The following ZPLD1 variants were observed in gnomAD, a reference collection of about 807,000 sequenced individuals.
ZPLD1 encodes zona pellucida like domain containing 1, also known as zona pellucida-like domain-containing protein 1.
In ZPLD1, 34 loss-of-function variants were observed where a neutral mutation model predicts 47.2. That is an observed-to-expected ratio of 0.72 (90% CI 0.55 to 0.96). The LOEUF (loss-of-function observed/expected upper bound fraction) is 0.96. ZPLD1 is among the 40% of genes least tolerant of loss of function. The probability of loss-of-function intolerance (pLI) is 0.00; values close to 1 mark genes in which losing one functional copy is unlikely to be tolerated. For synonymous variants in ZPLD1, 176 were observed against 186.2 expected (o/e 0.95, Z 0.45); for missense variants, 512 against 505.8 (o/e 1.01, Z -0.12).
At chr3:102,394,550 AG>A (rs1406221350) in intron 7 of ZPLD1, among the ~76,000 whole-genome samples, 1 of 151,584 alleles carries the variant, frequency 6.6e-6, no homozygotes, top group Non-Finnish European at 1.5e-5. Flanking sequence ...TGAAAAAAAA[AG>A]TTTCCATTGA....
Position 102,469,145 on chromosome 3 carries a change from T to A in ZPLD1, c.933+10T>A, listed in dbSNP as rs781261041. On this transcript the variant is annotated intron_variant, in intron 9 of 11. Coordinates refer to ENST00000466937, the MANE Select transcript of ZPLD1 (RefSeq NM_001329788.2). ...CCCCTTCCTTATGCCGGTATGTTTT[T>A]AAGGAACTTCATTTTAAGTTGTTGA... 5.6e-6 allele frequency: 9 copies of A among 1,600,724 alleles called. No individual in the cohort carries two copies. The highest frequency in any genetic ancestry group is 7.7e-6 in the Non-Finnish European group (9 of 1,175,348).
At chr3:102,475,469 T>TA (rs1378505347) in intron 10 of ZPLD1, among the ~76,000 whole-genome samples, 1 of 151,946 alleles carries the variant, frequency 6.6e-6, no homozygotes, top group South Asian at 2.1e-4. Context: ...GTGTGATTTC[T>TA]AAAAAAAAGA....
intron 7 of ZPLD1, among the ~76,000 whole-genome samples, chr3:102,415,250 C>G (rs1255035567): frequency 6.6e-6 from 1 of 151,784 alleles, no homozygotes; most frequent in African/African-American, 2.4e-5. Flanking sequence ...TAATTTAGCT[C>G]TGCAGTAAGA....
Position 102,435,035 on chromosome 3 carries a change from C to T in ZPLD1, c.-242C>T. 2.0e-6 allele frequency: 3 copies of T among 1,499,610 alleles called. No homozygotes were observed. Among genetic ancestry groups the T allele is most frequent in the Non-Finnish European group, 2.8e-6 (3 of 1,077,540 alleles). 92.9% of individuals were successfully genotyped at this position (1,499,610 alleles called of 1,614,324 possible). ...GAATGTAAAGGGTGTTAACATAATC[C>T]CCCAATCCCATACAATTCAATTTCA... On this transcript the variant is annotated 5_prime_UTR_variant, in exon 1 of 12. Coordinates refer to ENST00000466937, the MANE Select transcript of ZPLD1 (RefSeq NM_001329788.2).
At chr3:102,425,230 AT>A (rs1184267116) in intron 8 of ZPLD1, among the ~76,000 whole-genome samples, 1 of 152,104 alleles carries the variant, frequency 6.6e-6, no homozygotes, top group East Asian at 1.9e-4. Flanking sequence ...CTAGTTATGT[AT>A]TTCTGGGTGA....
At chr3:102,476,172 G>A (rs933993510) in intron 10 of ZPLD1, among the ~76,000 whole-genome samples, 15 of 152,200 alleles carry the variant, frequency 9.9e-5, no homozygotes, top group Middle Eastern at 6.8e-3. Flanking sequence ...CATATTGATT[G>A]TAATAATATT....
At chr3:102,406,942 CA>C (rs1468503951) in intron 7 of ZPLD1, among the ~76,000 whole-genome samples, 4 of 151,806 alleles carry the variant, frequency 2.6e-5, no homozygotes, top group African/African-American at 9.7e-5. Flanking sequence ...AGCTCAATAT[CA>C]ACTTCAACAA....
chr3:102,437,766 C>T (rs1707113011), intron 2 of ZPLD1, among the ~76,000 whole-genome samples: 1 of 152,198 alleles, frequency 6.6e-6, no homozygotes. Flanking sequence ...AAAAAATCTT[C>T]CATTACTTTA....
chr3:102,398,880 A>ACG (rs1706587462), intron 7 of ZPLD1, among the ~76,000 whole-genome samples: 1 of 94,102 alleles, frequency 1.1e-5, no homozygotes, highest in South Asian at 2.6e-4. Context: ...GTGCGCACGC[A>ACG]CACACACACA....
At chr3:102,440,731 GAA>G (rs77649810) in intron 3 of ZPLD1, among the ~76,000 whole-genome samples, 104 of 112,822 alleles carry the variant, frequency 9.2e-4, no homozygotes, top group African/African-American at 2.8e-3. Flanking sequence ...TTGTGATTGG[GAA>G]AAAAAAAAAA....
chr3:102,448,551 A>C (rs921045602), intron 3 of ZPLD1, among the ~76,000 whole-genome samples: 3 of 152,198 alleles, frequency 2.0e-5, no homozygotes, highest in Admixed American at 1.3e-4. Flanking sequence ...TTCTCTGAAC[A>C]CTAGTGAAAA....
chr3:102,436,007 C>T (rs1707086044), intron 1 of ZPLD1, among the ~76,000 whole-genome samples: 1 of 152,186 alleles, frequency 6.6e-6, no homozygotes, highest in Admixed American at 6.5e-5. Context: ...GAATCTATAC[C>T]TGCTAACATA....
At chr3:102,429,536 T>G (rs766490890) in intron 8 of ZPLD1, among the ~76,000 whole-genome samples, 1 of 152,180 alleles carries the variant, frequency 6.6e-6, no homozygotes, top group African/African-American at 2.4e-5. Flanking sequence ...TAGGGTTTAC[T>G]GGATTGGGGG....
chr3:102,408,389 A>G (rs1340451112), intron 7 of ZPLD1, among the ~76,000 whole-genome samples: 2 of 151,918 alleles, frequency 1.3e-5, no homozygotes, highest in African/African-American at 2.4e-5. Flanking sequence ...TCACACGCCC[A>G]TCCTCAGATT....
chr3:102,405,803 G>A (rs1042703566), intron 7 of ZPLD1, among the ~76,000 whole-genome samples: 2 of 151,942 alleles, frequency 1.3e-5, no homozygotes, highest in African/African-American at 4.8e-5. Flanking sequence ...TGGATTGGGG[G>A]TGAGATGGTT....
chr3:102,419,836 T>C (rs1706854976), intron 8 of ZPLD1, among the ~76,000 whole-genome samples: 1 of 151,858 alleles, frequency 6.6e-6, no homozygotes, highest in Non-Finnish European at 1.5e-5. Context: ...CTCATTTAAG[T>C]ACCTATTAGA....
At chr3:102,426,046 A>T (rs951695387) in intron 8 of ZPLD1, among the ~76,000 whole-genome samples, 1 of 151,920 alleles carries the variant, frequency 6.6e-6, no homozygotes, top group Non-Finnish European at 1.5e-5. Flanking sequence ...ACTATGATAA[A>T]TTTCAAATAT....
intron 7 of ZPLD1, among the ~76,000 whole-genome samples, chr3:102,403,380 A>G (rs1576127394): frequency 6.6e-6 from 1 of 152,074 alleles, no homozygotes; most frequent in South Asian, 2.1e-4. Flanking sequence ...CATCCGAATT[A>G]TAGACTCTCT....
chr3:102,399,244 G>A (rs2107290340), intron 7 of ZPLD1, among the ~76,000 whole-genome samples: 1 of 152,206 alleles, frequency 6.6e-6, no homozygotes, highest in Non-Finnish European at 1.5e-5. Flanking sequence ...CCATGTATCT[G>A]CTTAAAATAC....
Sources: allele counts gnomAD v4.1 joint callset (sites outside exome capture counted in the v4.1 genomes callset), GRCh38; gene constraint gnomAD v4.1.1; transcripts MANE v1.5; gene names NCBI Gene and HGNC (gene_info 2026-07-23, HGNC 2026-07-21).